KLHL4: variants seen among roughly 807,000 people sequenced by gnomAD.
KLHL4 encodes kelch like family member 4.
Under a neutral mutation model 45.8 loss-of-function variants are expected in KLHL4, and 17 were observed. That is an observed-to-expected ratio of 0.37 (90% confidence interval 0.25 to 0.56). KLHL4 has a LOEUF of 0.56. Among genes scored for constraint, KLHL4 ranks in the 20% least tolerant of loss-of-function variants. The probability of loss-of-function intolerance (pLI) is 0.79; values close to 1 mark genes in which losing one functional copy is unlikely to be tolerated. For missense variants in KLHL4, 544 were observed against 544.9 expected (o/e 1.00, Z 0.02); for synonymous variants, 224 against 189.9 (o/e 1.18, Z -1.47).
chrX:87,656,083 A>G lies in KLHL4; in HGVS notation c.1926-8681A>G, dbSNP rs775253585. The stretch of plus-strand genomic sequence containing the variant: ...GTTAGTCTGATGGCGTTTCCTTTAT[A>G]GGTTACTATATGCTTTTCTTTTGCT... On this transcript the variant is annotated intron_variant, in intron 9 of 10. Transcript: ENST00000373119. Among the ~76,000 whole-genome samples the G allele has an allele frequency of 2.5e-3, 275 of 110,561 alleles. 3 individuals carry two copies. The highest frequency in any genetic ancestry group is 4.3e-3 in the Non-Finnish European group (226 of 52,843).
chrX:87,659,972 G>GTGTGTA (rs1354488302), intron 9 of KLHL4, among the ~76,000 whole-genome samples: 3 of 110,445 alleles, frequency 2.7e-5, no homozygotes, highest in African/African-American at 9.9e-5. Flanking sequence ...GTGTGTGTGT[G>GTGTGTA]TGTGTGTGTG....
At chrX:87,536,996 G>A (rs750132388) in intron 1 of KLHL4, among the ~76,000 whole-genome samples, 1 of 111,260 alleles carries the variant, frequency 9.0e-6, no homozygotes, top group East Asian at 2.8e-4. Flanking sequence ...ACAAACATTA[G>A]TTTGTGATTA....
chrX:87,548,845 G>GAA (rs58087826), intron 1 of KLHL4, among the ~76,000 whole-genome samples: 25 of 80,119 alleles, frequency 3.1e-4, no homozygotes, highest in African/African-American at 6.7e-4. Flanking sequence ...AAGAAAGAAT[G>GAA]AAAAAAAAAA....
At chrX:87,625,897 A>G (rs779261859) in intron 6 of KLHL4, 101 bp downstream of exon 6, 1 of 645,979 alleles carries the variant, frequency 1.5e-6, no homozygotes, top group Non-Finnish European at 2.3e-6. Flanking sequence ...AGTGCACCTA[A>G]AGTGAATTTT....
In KLHL4 at chrX:87,518,062, C is replaced by T; in HGVS notation, c.169C>T (p.Arg57Trp). 2 of 1,211,637 alleles carry T rather than the reference C, an allele frequency of 1.7e-6. No individual in the cohort carries two copies. Among genetic ancestry groups the T allele is most frequent in the South Asian group, 1.8e-5 (1 of 56,980 alleles). Residue 57 changes from arginine (R) to tryptophan (W), a missense_variant, in exon 1 of 11, where the codon CGG (arginine) becomes TGG (tryptophan). Physicochemically the swap from Arg to Trp is moderately radical, Grantham distance 101. Transcript: ENST00000373119. Reference sequence around the variant, plus strand: ...TCAGGGCAGGTTGAAGAGCCACTCTCGGGACAGAAACGGACTGAAGAAAAG... The same window carrying T: ...TCAGGGCAGGTTGAAGAGCCACTCTTGGGACAGAAACGGACTGAAGAAAAG... ...PVQGRLKSHSRDRNGLKKSNS... is the reference protein window; with the variant it reads ...PVQGRLKSHSWDRNGLKKSNS...
rs35105181 is a variant in KLHL4 at position 87,632,370 on chromosome X, T to C, written c.1485T>C (p.Cys495=). The C allele has an allele frequency of 1.4e-5, 17 of 1,209,306 alleles. No individual in the cohort carries two copies. In the African/African-American group the frequency reaches 2.3e-4, roughly 16 times the overall value. Residue 495 remains cysteine, a synonymous_variant, in exon 7 of 11, where the codon TGT becomes TGC. Transcript: ENST00000373119. ...DGLKTLNTVE[C]FNPVGKIWTV... Reference sequence around the variant, plus strand: ...TAAAAACTTTGAATACAGTGGAATGTTTTAATCCAGTTGGCAAAATCTGGA... The same window carrying C: ...TAAAAACTTTGAATACAGTGGAATGCTTTAATCCAGTTGGCAAAATCTGGA...
At chrX:87,636,285 G>A (rs764409259) in intron 9 of KLHL4, among the ~76,000 whole-genome samples, 21 of 112,042 alleles carry the variant, frequency 1.9e-4, no homozygotes, top group Non-Finnish European at 2.6e-4. Context: ...TTTATGCCAA[G>A]CTACATCACT....
chrX:87,532,942 C>T (rs1298139955), intron 1 of KLHL4, among the ~76,000 whole-genome samples: 1 of 109,273 alleles, frequency 9.2e-6, no homozygotes, highest in Non-Finnish European at 1.9e-5. Flanking sequence ...CGCCAAAAAA[C>T]ACATGAAAAA....
chrX:87,548,595 A>C (rs1931734314), intron 1 of KLHL4, among the ~76,000 whole-genome samples: 1 of 111,492 alleles, frequency 9.0e-6, no homozygotes, highest in South Asian at 3.7e-4. Flanking sequence ...AATAAGATAT[A>C]AATAGAAACA....
chrX:87,572,926 C>T (rs1407432348), intron 1 of KLHL4, among the ~76,000 whole-genome samples: 1 of 110,564 alleles, frequency 9.0e-6, no homozygotes, highest in African/African-American at 3.3e-5. Context: ...AAAGTACTGA[C>T]CATTATGTTA....
chrX:87,589,196 C>T (rs1341226941), intron 1 of KLHL4, among the ~76,000 whole-genome samples: 1 of 111,594 alleles, frequency 9.0e-6, no homozygotes, highest in Non-Finnish European at 1.9e-5. Context: ...AATCCTTGTA[C>T]GCTGTTGGTG....
intron 1 of KLHL4, among the ~76,000 whole-genome samples, chrX:87,552,727 T>C (rs181395298): frequency 9.3e-6 from 1 of 107,747 alleles, no homozygotes. Context: ...TGGCATTTTC[T>C]CACTTATTAG....
At chrX:87,627,547 G>T (rs1922967928) in intron 6 of KLHL4, among the ~76,000 whole-genome samples, 1 of 111,322 alleles carries the variant, frequency 9.0e-6, no homozygotes, top group African/African-American at 3.3e-5. Flanking sequence ...TGTGCTTCAG[G>T]AAATAACAGA....
intron 10 of KLHL4, 92 bp downstream of exon 10, chrX:87,665,027 C>G: frequency 3.7e-6 from 2 of 533,853 alleles, no homozygotes; most frequent in Non-Finnish European, 5.9e-6. Context: ...ATTCTCTTCT[C>G]TAGGCCCTAA....
rs780693556 is a variant in KLHL4, at chrX:87,611,585, T to A, written c.423-2292T>A. On this transcript the variant is annotated intron_variant, in intron 1 of 10. Coordinates refer to ENST00000373119, the MANE Select transcript of KLHL4 (RefSeq NM_019117.5). ...CTGCACTATCAGTCATATAAAAAAGTATACCACATACAATTATGTACAGTA... is the reference window on the plus strand; with the variant it reads ...CTGCACTATCAGTCATATAAAAAAGAATACCACATACAATTATGTACAGTA... 2.7e-5 allele frequency among the ~76,000 whole-genome samples: 3 copies of A among 110,952 alleles called. No homozygotes were observed. In the East Asian group the frequency reaches 8.5e-4, roughly 31 times the overall value.
intron 1 of KLHL4, among the ~76,000 whole-genome samples, chrX:87,559,552 T>C (rs1278590645): frequency 1.8e-5 from 2 of 111,971 alleles, no homozygotes; most frequent in East Asian, 5.6e-4. Context: ...ATTTTTGCAC[T>C]TATACAACAC....
At chrX:87,556,318 T>C (rs1931971183) in intron 1 of KLHL4, among the ~76,000 whole-genome samples, 2 of 110,184 alleles carry the variant, frequency 1.8e-5, no homozygotes, top group Admixed American at 9.8e-5. Context: ...GTGGCACATA[T>C]ACACCATGGA....
intron 9 of KLHL4, among the ~76,000 whole-genome samples, chrX:87,653,319 T>C (rs931175654): frequency 8.9e-6 from 1 of 112,005 alleles, no homozygotes; most frequent in African/African-American, 3.2e-5. Context: ...CTTGTTTTTG[T>C]CAGCTTTGTC....
intron 1 of KLHL4, among the ~76,000 whole-genome samples, chrX:87,571,947 T>C (rs1932341645): frequency 9.0e-6 from 1 of 110,513 alleles, no homozygotes; most frequent in Admixed American, 9.7e-5. Context: ...CCCAATAACA[T>C]CCTGCAAAAT....
Sources: gnomAD v4.1 joint callset for allele counts (sites outside exome capture counted in the v4.1 genomes callset) on GRCh38, gnomAD v4.1.1 for gene constraint, MANE v1.5 for transcripts, NCBI Gene and HGNC (gene_info 2026-07-23, HGNC 2026-07-21) for gene names.